GPC5: variants seen among roughly 807,000 people sequenced by gnomAD.
GPC5 encodes glypican-5.
Under a neutral mutation model 53.9 loss-of-function variants are expected in GPC5, and 47 were observed. That is an observed-to-expected ratio of 0.87 (90% confidence interval 0.69 to 1.11). The LOEUF (loss-of-function observed/expected upper bound fraction) is 1.11, where lower values mean the gene tolerates loss of function less well. Among genes scored for constraint, GPC5 ranks in the 50% most tolerant of loss-of-function variants. The pLI is 0.00. For missense variants in GPC5, 748 were observed against 713.1 expected (o/e 1.05, Z -0.56); for synonymous variants, 286 against 263.3 (o/e 1.09, Z -0.84).
intron 7 of GPC5, among the ~76,000 whole-genome samples, chr13:92,351,575 G>T (rs2043477854): frequency 6.6e-6 from 1 of 151,908 alleles, no homozygotes; most frequent in African/African-American, 2.4e-5. Flanking sequence ...TTTTCCATAT[G>T]ATGTTATTTA....
intron 7 of GPC5, among the ~76,000 whole-genome samples, chr13:92,658,642 T>G (rs570308016): frequency 6.6e-6 from 1 of 152,252 alleles, no homozygotes; most frequent in South Asian, 2.1e-4. Context: ...TTTTAAACTG[T>G]GGAACACATT....
intron 2 of GPC5, among the ~76,000 whole-genome samples, chr13:91,522,314 T>G (rs1885861509): frequency 6.6e-6 from 1 of 152,166 alleles, no homozygotes; most frequent in African/African-American, 2.4e-5. Context: ...CCTATGGGCT[T>G]CAATTCCTTA....
intron 7 of GPC5, among the ~76,000 whole-genome samples, chr13:92,366,397 G>T (rs965239864): frequency 2.0e-5 from 3 of 151,532 alleles, no homozygotes; most frequent in African/African-American, 7.3e-5. Context: ...TATTCCACTT[G>T]CCTAGCAACT....
At chr13:92,613,317 TAAATATTTATATAATATA>T (rs1480432696) in intron 7 of GPC5, among the ~76,000 whole-genome samples, 47 of 102,206 alleles carry the variant, frequency 4.6e-4, no homozygotes, top group African/African-American at 1.8e-3. Context: ...ATGTATATAA[TAAATATTTATATAATATA>T]ATATATTTAT....
rs139835120 is a variant in GPC5 at position 91,943,801 on chromosome 13, G to T, written c.1401+35744G>T. On this transcript the variant is annotated intron_variant, in intron 6 of 7. Transcript: ENST00000377067. The stretch of plus-strand genomic sequence containing the variant: ...TTTGCTGAAATAGAGATGTAACATT[G>T]TTAAATCATGGAAAATGAATGCCTC... Among the ~76,000 whole-genome samples the T allele has an allele frequency of 7.0e-4, 106 of 151,988 alleles. 1 individual carries two copies. Among genetic ancestry groups the T allele is most frequent in the African/African-American group, 2.4e-3 (101 of 41,470 alleles).
At chr13:92,775,058 T>C (rs1449698119) in intron 7 of GPC5, among the ~76,000 whole-genome samples, 1 of 152,210 alleles carries the variant, frequency 6.6e-6, no homozygotes, top group East Asian at 1.9e-4. Context: ...ACCAGGCAAT[T>C]TACCCATCAG....
intron 7 of GPC5, among the ~76,000 whole-genome samples, chr13:92,464,670 T>C (rs938004029): frequency 1.3e-5 from 2 of 151,966 alleles, no homozygotes; most frequent in Admixed American, 6.6e-5. Flanking sequence ...ATTTTAAAGG[T>C]ACATTTTGCA....
intron 4 of GPC5, among the ~76,000 whole-genome samples, chr13:91,746,111 C>T (rs2037044726): frequency 6.6e-6 from 1 of 152,216 alleles, no homozygotes; most frequent in Non-Finnish European, 1.5e-5. Context: ...TATATTTCCT[C>T]TGCTGAGCAG....
intron 7 of GPC5, among the ~76,000 whole-genome samples, chr13:92,833,659 T>A (rs1367501372): frequency 2.6e-5 from 4 of 152,158 alleles, no homozygotes; most frequent in Non-Finnish European, 5.9e-5. Context: ...TATTTGTATT[T>A]TATTGTAATA....
In GPC5 at chr13:92,178,194, C is replaced by T. The variant is rs908050261; in HGVS notation, c.1561+33205C>T. Among the ~76,000 whole-genome samples the T allele has an allele frequency of 3.9e-5, 6 of 152,038 alleles. No individual in the cohort carries two copies. The East Asian group carries it at 7.7e-4, about 20-fold the overall frequency. ...GTGAGCCTAGTACTGTCACAGCAGG[C>T]GCATCAGAACAGATGGCTCTGCGTT... is the stretch of plus-strand genomic sequence containing the variant. On this transcript the variant is annotated intron_variant, in intron 7 of 7. Transcript: ENST00000377067.
At position 92,563,830 on chromosome 13, in the gene GPC5, T is replaced by C. The variant is rs536468089; in HGVS notation, c.1562-302452T>C. 1.4e-4 allele frequency among the ~76,000 whole-genome samples: 21 copies of C among 152,158 alleles called. No individual in the cohort carries two copies. In the East Asian group the frequency reaches 3.7e-3, roughly 27 times the overall value. On this transcript the variant is annotated intron_variant, in intron 7 of 7. Coordinates refer to ENST00000377067, the MANE Select transcript of GPC5 (RefSeq NM_004466.6). Reference sequence around the variant, plus strand: ...TTCAGAGTTAATTAATCTGGTGTTATTACAGTCTTGCTACATCCTAAACAC... The same window carrying C: ...TTCAGAGTTAATTAATCTGGTGTTACTACAGTCTTGCTACATCCTAAACAC...
intron 7 of GPC5, among the ~76,000 whole-genome samples, chr13:92,248,305 A>T: frequency 6.6e-6 from 1 of 152,298 alleles, no homozygotes; most frequent in African/African-American, 2.4e-5. Context: ...AATCAAGCTT[A>T]GGTTCCTGGC....
chr13:92,727,900 C>G (rs546537802), intron 7 of GPC5, among the ~76,000 whole-genome samples: 1 of 151,320 alleles, frequency 6.6e-6, no homozygotes, highest in Non-Finnish European at 1.5e-5. Context: ...TTTACTATCT[C>G]CTACTTTTTG....
Position 92,272,082 on chromosome 13 carries a change from G to A in GPC5, c.1561+127093G>A, listed in dbSNP as rs564448367. Among the ~76,000 whole-genome samples, 441 of 152,222 alleles carry A rather than the reference G, an allele frequency of 2.9e-3. 2 individuals are homozygous for A. The highest frequency in any genetic ancestry group is 0.01 in the African/African-American group (425 of 41,558). ...TTATTCACTATACTCAGCCAGTGAT[G>A]GCAGGGATGGGCACCTGCATCTCTA... On this transcript the variant is annotated intron_variant, in intron 7 of 7. Coordinates refer to ENST00000377067, the MANE Select transcript of GPC5 (RefSeq NM_004466.6).
chr13:91,808,837 A>T (rs1204590211), intron 5 of GPC5, among the ~76,000 whole-genome samples: 1 of 152,162 alleles, frequency 6.6e-6, no homozygotes, highest in East Asian at 1.9e-4. Context: ...TAAAAATTTC[A>T]TGAGGCAATA....
intron 6 of GPC5, among the ~76,000 whole-genome samples, chr13:91,963,589 G>A (rs1033287381): frequency 1.3e-5 from 2 of 152,116 alleles, no homozygotes; most frequent in Admixed American, 1.3e-4. Context: ...CTTTACAGCA[G>A]TTAGACACAA....
At chr13:91,713,916 T>G (rs1327125253) in intron 3 of GPC5, among the ~76,000 whole-genome samples, 1 of 152,162 alleles carries the variant, frequency 6.6e-6, no homozygotes, top group African/African-American at 2.4e-5. Context: ...CAGGTAGATA[T>G]GTCCTAGTTA....
intron 2 of GPC5, among the ~76,000 whole-genome samples, chr13:91,672,810 T>C (rs1222004574): frequency 2.6e-5 from 4 of 152,166 alleles, no homozygotes. Context: ...CTATTTACAA[T>C]AGCAAAGACA....
chr13:92,200,974 G>GAAACAC (rs1339574520), intron 7 of GPC5, among the ~76,000 whole-genome samples: 2 of 146,918 alleles, frequency 1.4e-5, no homozygotes, highest in East Asian at 4.2e-4. Flanking sequence ...CAGGCACTCA[G>GAAACAC]ACACACACAC....
Sources: gnomAD v4.1 joint callset for allele counts (sites outside exome capture counted in the v4.1 genomes callset) on GRCh38, gnomAD v4.1.1 for gene constraint, MANE v1.5 for transcripts, NCBI Gene and HGNC (gene_info 2026-07-23, HGNC 2026-07-21) for gene names.